Variants in WWOX observed in about 807,000 individuals in gnomAD.
The protein encoded by WWOX is WW domain containing oxidoreductase.
A neutral mutation model predicts 46.2 loss-of-function variants in WWOX; 69 were observed. The observed-to-expected ratio is 1.49, with a 90% CI of 1.23 to 1.82. The LOEUF (loss-of-function observed/expected upper bound fraction) is 1.82, where lower values mean the gene tolerates loss of function less well. WWOX is among the 40% of genes most tolerant of loss of function. The probability of loss-of-function intolerance (pLI) is 0.00; values close to 1 mark genes in which losing one functional copy is unlikely to be tolerated. For missense variants in WWOX, 919 were observed against 542.6 expected, an observed-to-expected ratio of 1.69 and a Z score of -6.89; for synonymous variants, 359 against 202.6, an observed-to-expected ratio of 1.77 and a Z score of -6.56.
chr16:78,654,546 G>C (rs758874239), intron 8 of WWOX, among the ~76,000 whole-genome samples: 1 of 152,150 alleles, frequency 6.6e-6, no homozygotes, highest in East Asian at 1.9e-4. Context: ...TGGAGAAGAG[G>C]CCCACGTTCT....
chr16:78,918,162 G>A (rs547057124), intron 8 of WWOX, among the ~76,000 whole-genome samples: 2 of 152,318 alleles, frequency 1.3e-5, no homozygotes, highest in African/African-American at 2.4e-5. Context: ...GGTTGAGGCT[G>A]CAGTGAGCTG....
intron 8 of WWOX, among the ~76,000 whole-genome samples, chr16:78,676,593 G>A (rs74540022): frequency 6.6e-6 from 1 of 152,080 alleles, no homozygotes; most frequent in African/African-American, 2.4e-5. Flanking sequence ...CGGGCACTCT[G>A]CTCAGTGCAA....
At chr16:78,399,533 C>G (rs138370512) in intron 6 of WWOX, among the ~76,000 whole-genome samples, 3 of 152,156 alleles carry the variant, frequency 2.0e-5, no homozygotes, top group Non-Finnish European at 4.4e-5. Flanking sequence ...GGGAGCGACA[C>G]CTCTCAGCCC....
At chr16:78,426,112 C>G (rs2083071497) in intron 7 of WWOX, among the ~76,000 whole-genome samples, 2 of 152,090 alleles carry the variant, frequency 1.3e-5, no homozygotes, top group Non-Finnish European at 2.9e-5. Context: ...AAGGTAAATG[C>G]CAGTAATAAT....
chr16:78,671,259 C>CA (rs1244520376), intron 8 of WWOX, among the ~76,000 whole-genome samples: 14 of 152,074 alleles, frequency 9.2e-5, no homozygotes, highest in Admixed American at 7.9e-4. Context: ...CCCGTCTCTA[C>CA]AAAAAATACC....
intron 5 of WWOX, among the ~76,000 whole-genome samples, chr16:78,384,952 G>A (rs890449017): frequency 6.6e-6 from 1 of 152,204 alleles, no homozygotes; most frequent in South Asian, 2.1e-4. Context: ...TGGCCAACAT[G>A]GTGAAACCCC....
At chr16:78,238,502 A>T (rs531674439) in intron 5 of WWOX, among the ~76,000 whole-genome samples, 1 of 152,192 alleles carries the variant, frequency 6.6e-6, no homozygotes, top group East Asian at 1.9e-4. Flanking sequence ...TTTCTCTACC[A>T]TGTTGGCCAG....
chr16:78,996,213 G>T, intron 8 of WWOX: 1 of 984,786 alleles, frequency 1.0e-6, no homozygotes. Flanking sequence ...AATTTTTGAA[G>T]ACTTGTGGAT....
rs185933503 is a variant in WWOX, at chr16:78,861,421, T to C, written c.1057-350187T>C. ...GAAGTTGACAGAGAGTATAATTAAATCCCATGAGTCTACCATCCAGATTCA... is the reference window on the plus strand; with the variant it reads ...GAAGTTGACAGAGAGTATAATTAAACCCCATGAGTCTACCATCCAGATTCA... On this transcript the variant is annotated intron_variant, in intron 8 of 8. Coordinates refer to ENST00000566780, the MANE Select transcript of WWOX (RefSeq NM_016373.4). 3.5e-4 allele frequency among the ~76,000 whole-genome samples: 54 copies of C among 152,330 alleles called. No homozygotes were observed. In the Middle Eastern group the frequency reaches 0.01, roughly 29 times the overall value.
chr16:78,732,718 T>A (rs1464998053), intron 8 of WWOX, among the ~76,000 whole-genome samples: 1 of 152,132 alleles, frequency 6.6e-6, no homozygotes, highest in African/African-American at 2.4e-5. Context: ...CTCAACTCCC[T>A]TGGTTAATTT....
At chr16:78,802,620 A>G (rs887561095) in intron 8 of WWOX, among the ~76,000 whole-genome samples, 1 of 152,090 alleles carries the variant, frequency 6.6e-6, no homozygotes, top group Non-Finnish European at 1.5e-5. Flanking sequence ...AAAGTAATGC[A>G]TTAATGGTTG....
chr16:79,102,781 A>C (rs1184042826), intron 8 of WWOX, among the ~76,000 whole-genome samples: 2 of 152,176 alleles, frequency 1.3e-5, no homozygotes, highest in African/African-American at 4.8e-5. Flanking sequence ...TAAACACCTA[A>C]AGACTCTTTC....
chr16:78,818,012 A>C (rs571837759), intron 8 of WWOX, among the ~76,000 whole-genome samples: 18 of 152,280 alleles, frequency 1.2e-4, no homozygotes, highest in Non-Finnish European at 2.1e-4. Flanking sequence ...GCAGAGGGAG[A>C]AGCTGACTGA....
chr16:78,970,233 G>A (rs111450336), intron 8 of WWOX, among the ~76,000 whole-genome samples: 3,772 of 152,146 alleles, frequency 0.025, 155 homozygotes, highest in African/African-American at 0.086. Context: ...ACCACAGCAC[G>A]GTGTTGGCTC....
chr16:78,401,507 G>A (rs760466757), intron 6 of WWOX, among the ~76,000 whole-genome samples: 14 of 152,086 alleles, frequency 9.2e-5, no homozygotes, highest in Non-Finnish European at 1.9e-4. Flanking sequence ...CTTGTAACCT[G>A]TATCCTGTCT....
At chr16:78,193,415 A>G (rs992375878) in intron 5 of WWOX, among the ~76,000 whole-genome samples, 2 of 152,226 alleles carry the variant, frequency 1.3e-5, no homozygotes, top group Non-Finnish European at 2.9e-5. Context: ...TCAAAAGGGA[A>G]AAAAGAAAAG....
chr16:78,774,801 G>C (rs1322914693), intron 8 of WWOX, among the ~76,000 whole-genome samples: 1 of 152,132 alleles, frequency 6.6e-6, no homozygotes, highest in African/African-American at 2.4e-5. Context: ...TGAACTGTGA[G>C]GTGCTCCCAG....
chr16:78,532,158 C>T (rs1342888973), intron 8 of WWOX, among the ~76,000 whole-genome samples: 1 of 151,834 alleles, frequency 6.6e-6, no homozygotes, highest in African/African-American at 2.4e-5. Context: ...AGACATTCAG[C>T]AGTCTGCCTT....
rs1306815075 is a variant in WWOX, at chr16:79,041,482, T to C, written c.1057-170126T>C. Among the ~76,000 whole-genome samples, 6 of 152,174 alleles carry C rather than the reference T, an allele frequency of 3.9e-5. No individual in the cohort carries two copies. In the East Asian group the frequency reaches 1.2e-3, roughly 29 times the overall value. ...GGGTTCCAGTTTCTCATTAGGAACCTGGATGATGGAGCAGGGATCATGCTC... is the reference window on the plus strand; with the variant it reads ...GGGTTCCAGTTTCTCATTAGGAACCCGGATGATGGAGCAGGGATCATGCTC... On this transcript the variant is annotated intron_variant, in intron 8 of 8. Transcript: ENST00000566780.
Sources: gnomAD v4.1 joint callset for allele counts (sites outside exome capture counted in the v4.1 genomes callset) on GRCh38, gnomAD v4.1.1 for gene constraint, MANE v1.5 for transcripts, NCBI Gene and HGNC (gene_info 2026-07-23, HGNC 2026-07-21) for gene names.